SEMA5B: variants seen among roughly 807,000 people sequenced by gnomAD.
The protein encoded by SEMA5B is semaphorin 5B.
Under a neutral mutation model 135.0 loss-of-function variants are expected in SEMA5B, and 66 were observed. The observed-to-expected ratio is 0.49, with a 90% CI of 0.40 to 0.60. SEMA5B has a LOEUF of 0.60. SEMA5B is among the 20% of genes least tolerant of loss of function. The probability of loss-of-function intolerance (pLI) is 0.00; values close to 1 mark genes in which losing one functional copy is unlikely to be tolerated. For missense variants in SEMA5B, 1,501 were observed against 1,566.3 expected, an observed-to-expected ratio of 0.96 and a Z score of 0.70; for synonymous variants, 690 against 639.5, an observed-to-expected ratio of 1.08 and a Z score of -1.19.
At chr3:122,917,663 G>A (rs181803538) in intron 12 of SEMA5B, among the ~76,000 whole-genome samples, 3 of 152,164 alleles carry the variant, frequency 2.0e-5, no homozygotes, top group Admixed American at 6.5e-5. Context: ...TGGCCAACCC[G>A]CAGCCTCATA....
intron 3 of SEMA5B, 123 bp downstream of exon 3, chr3:122,948,383 G>T: frequency 1.3e-6 from 1 of 767,878 alleles, no homozygotes; most frequent in Non-Finnish European, 2.0e-6. Flanking sequence ...CCCGGGACGG[G>T]ACCCAGCAGT....
rs373625131 is a variant in SEMA5B, at chr3:122,922,392, T to C, written c.1328A>G (p.Gln443Arg). The change falls in exon 11 of 23, where the codon CAG becomes CGG. Residue 443 changes from glutamine (Q) to arginine (R), a missense_variant. Physicochemically the swap from Gln to Arg is conservative, Grantham distance 43 (BLOSUM62 1). Transcript: ENST00000357599. ...PNENLTERSL[Q>R]DAQRLFLMSE... ...CATCAGGAAGAGGCGCTGCGCGTCCTGCAGGCTGCGCTCCGTCAGGTTCTC... is the reference window on the plus strand; with the variant it reads ...CATCAGGAAGAGGCGCTGCGCGTCCCGCAGGCTGCGCTCCGTCAGGTTCTC... The C allele has an allele frequency of 1.2e-6, 2 of 1,611,698 alleles. No homozygotes were observed. The highest frequency in any genetic ancestry group is 1.3e-5 in the African/African-American group (1 of 74,874).
At chr3:122,955,028 C>T (rs1940223241) in intron 2 of SEMA5B, among the ~76,000 whole-genome samples, 1 of 151,568 alleles carries the variant, frequency 6.6e-6, no homozygotes, top group Admixed American at 6.6e-5. Flanking sequence ...TCTCAAACTC[C>T]TGGACTCAAG....
At position 122,932,271 on chromosome 3, in the gene SEMA5B, G is replaced by A. The variant is rs1487077994; in HGVS notation, c.475-3213C>T. Among the ~76,000 whole-genome samples the A allele has an allele frequency of 1.6e-3, 24 of 14,566 alleles. 1 individual carries two copies. Among genetic ancestry groups the A allele is most frequent in the Middle Eastern group, 0.05 (2 of 40 alleles). 9.6% of individuals were successfully genotyped at this position (14,566 alleles called of 152,430 possible). On this transcript the variant is annotated intron_variant, in intron 5 of 22. Transcript: ENST00000357599. ...TTTTTTTTTTTTTTTTTTTTTTTTT[G>A]GAGAGAAGGTCTTGCTCTGTCCCCC...
At chr3:122,914,114 T>C in intron 14 of SEMA5B, 113 bp from the exon 15 acceptor site, 2 of 1,192,762 alleles carry the variant, frequency 1.7e-6, no homozygotes, top group South Asian at 1.8e-5. Context: ...GGCTGGACAG[T>C]GACATAGAAA....
At chr3:122,991,813 T>C (rs981533238) in intron 1 of SEMA5B, among the ~76,000 whole-genome samples, 1 of 152,178 alleles carries the variant, frequency 6.6e-6, no homozygotes, top group Non-Finnish European at 1.5e-5. Context: ...CCTCAGAGGT[T>C]ATCTTGTCGA....
intron 9 of SEMA5B, among the ~76,000 whole-genome samples, chr3:122,924,769 C>T (rs1938538938): frequency 6.6e-6 from 1 of 152,192 alleles, no homozygotes; most frequent in African/African-American, 2.4e-5. Context: ...GAATGCTCCT[C>T]TCCCTTAGTT....
Position 123,021,813 on chromosome 3 carries a change from T to C in SEMA5B, c.-39+5651A>G, listed in dbSNP as rs1942687174. Among the ~76,000 whole-genome samples, 4 of 152,200 alleles carry C rather than the reference T, an allele frequency of 2.6e-5. No homozygotes were observed. In the South Asian group the frequency reaches 8.3e-4, roughly 32 times the overall value. On this transcript the variant is annotated intron_variant, in intron 1 of 22. Transcript: ENST00000357599. Reference sequence around the variant, plus strand: ...TTTCATCTACATTTATATGTGCATATATGTATGTATGTTTATATGCACATG... The same window carrying C: ...TTTCATCTACATTTATATGTGCATACATGTATGTATGTTTATATGCACATG...
intron 2 of SEMA5B, among the ~76,000 whole-genome samples, chr3:122,957,781 C>T (rs543427412): frequency 4.6e-5 from 7 of 152,170 alleles, no homozygotes; most frequent in African/African-American, 1.4e-4. Context: ...TTTGAATCCG[C>T]GACTGTCTGC....
intron 1 of SEMA5B, among the ~76,000 whole-genome samples, chr3:123,010,737 G>T (rs528728174): frequency 6.5e-4 from 99 of 151,354 alleles, no homozygotes; most frequent in Non-Finnish European, 1.1e-3. Flanking sequence ...TTGAACCCGG[G>T]AGGTGGAGGT....
In SEMA5B at chr3:122,915,469, C is replaced by T. The variant is rs1225190259; in HGVS notation, c.1959G>A (p.Gly653=). 2.5e-6 allele frequency: 4 copies of T among 1,612,706 alleles called. No individual in the cohort carries two copies. Among genetic ancestry groups the T allele is most frequent in the Non-Finnish European group, 3.4e-6 (4 of 1,179,362 alleles). ...AGCAGTTGGCGATGTGGATGGCTGGCCCCAGGCAGTCAAGGCCCCCACAGC... is the reference window on the plus strand; with the variant it reads ...AGCAGTTGGCGATGTGGATGGCTGGTCCCAGGCAGTCAAGGCCCCCACAGC... ...RPRCGGLDCL[G]PAIHIANCSR... is the part of the protein sequence containing the mutation. Residue 653 remains glycine, a synonymous_variant, in exon 14 of 23, where the codon GGG becomes GGA. Coordinates refer to ENST00000357599, the MANE Select transcript of SEMA5B (RefSeq NM_001031702.4).
At position 122,923,965 on chromosome 3, in the gene SEMA5B, T is replaced by G. The variant is rs115782144; in HGVS notation, c.1137-213A>C. Among the ~76,000 whole-genome samples the G allele has an allele frequency of 7.1e-3, 1,077 of 152,190 alleles. 12 individuals carry two copies. Among genetic ancestry groups the G allele is most frequent in the African/African-American group, 0.025 (1,021 of 41,508 alleles). Reference sequence around the variant, plus strand: ...CCCACTGACAAGAGGCACTGGTGAATCCTTCTGTGCTACTGCCTCCCTCCC... The same window carrying G: ...CCCACTGACAAGAGGCACTGGTGAAGCCTTCTGTGCTACTGCCTCCCTCCC... On this transcript the variant is annotated intron_variant, in intron 9 of 22. Transcript: ENST00000357599.
At chr3:122,919,737 C>T (rs1007630692) in intron 12 of SEMA5B, among the ~76,000 whole-genome samples, 1 of 152,164 alleles carries the variant, frequency 6.6e-6, no homozygotes, top group Non-Finnish European at 1.5e-5. Context: ...ATAATGTGAC[C>T]TTGCGTTTCA....
rs567199777 is a variant in SEMA5B, at chr3:122,936,472, G to A, written c.474+2953C>T. 5.9e-5 allele frequency among the ~76,000 whole-genome samples: 9 copies of A among 152,200 alleles called. No individual in the cohort carries two copies. In the East Asian group the frequency reaches 9.7e-4, roughly 16 times the overall value. On this transcript the variant is annotated intron_variant, in intron 5 of 22. Coordinates refer to ENST00000357599, the MANE Select transcript of SEMA5B (RefSeq NM_001031702.4). ...TTGCCCTCCATGTCTGCCCAGGCCCGAACAAAGCCCCATTATGCGTCCTGA... is the reference window on the plus strand; with the variant it reads ...TTGCCCTCCATGTCTGCCCAGGCCCAAACAAAGCCCCATTATGCGTCCTGA...
rs770988621 is a variant in SEMA5B, at chr3:122,948,715, A to G, written c.125-6T>C. 3.1e-6 allele frequency: 5 copies of G among 1,587,950 alleles called. No homozygotes were observed. The African/African-American group carries it at 5.4e-5, about 17-fold the overall frequency. On this transcript the variant is annotated splice_polypyrimidine_tract_variant and splice_region_variant and intron_variant, in intron 2 of 22. Transcript: ENST00000357599. ...AGGCAGACAGGGGAGAAGACCTGCA[A>G]CGTAAACACTCAGTCTCACCAAGCG... is the stretch of plus-strand genomic sequence containing the variant.
intron 1 of SEMA5B, among the ~76,000 whole-genome samples, chr3:123,004,908 T>C (rs1942268231): frequency 6.6e-6 from 1 of 152,160 alleles, no homozygotes; most frequent in African/African-American, 2.4e-5. Flanking sequence ...CTAAATCTGA[T>C]GATCAGTCTG....
At chr3:123,013,634 T>TGGCTTCCAAGCC (rs538907089) in intron 1 of SEMA5B, among the ~76,000 whole-genome samples, 8 of 152,364 alleles carry the variant, frequency 5.3e-5, no homozygotes, top group Admixed American at 3.9e-4. Flanking sequence ...CACTCCAAGC[T>TGGCTTCCAAGCC]GGCTTCCAAG....
At chr3:122,967,600 C>T (rs904616617) in intron 1 of SEMA5B, among the ~76,000 whole-genome samples, 2 of 152,224 alleles carry the variant, frequency 1.3e-5, no homozygotes, top group African/African-American at 2.4e-5. Flanking sequence ...AGGAGCCCAG[C>T]CCCCACATCT....
Position 122,948,709 on chromosome 3 carries a change from C to A in SEMA5B, c.125G>T (p.Gly42Val), listed in dbSNP as rs773145880. The A allele has an allele frequency of 6.3e-7, 1 of 1,592,120 alleles. No individual in the cohort carries two copies. The highest frequency in any genetic ancestry group is 1.1e-5 in the South Asian group (1 of 89,038). ...VGGWLLSLVR[G>V]LLPCLPPGAR... ...TCCGGGAGGCAGACAGGGGAGAAGA[C>A]CTGCAACGTAAACACTCAGTCTCAC... Residue 42 changes from glycine (G) to valine (V), a missense_variant and splice_region_variant, in exon 3 of 23, where the codon GGT (glycine) becomes GTT (valine). Coordinates refer to ENST00000357599, the MANE Select transcript of SEMA5B (RefSeq NM_001031702.4).
Sources: gnomAD v4.1 joint callset for allele counts (sites outside exome capture counted in the v4.1 genomes callset) on GRCh38, gnomAD v4.1.1 for gene constraint, MANE v1.5 for transcripts, NCBI Gene and HGNC (gene_info 2026-07-23, HGNC 2026-07-21) for gene names.